Variants in KPNA7 observed in about 807,000 individuals in gnomAD.
KPNA7 encodes the protein karyopherin subunit alpha 7, also known as importin subunit alpha-8.
Under a neutral mutation model 53.7 loss-of-function variants are expected in KPNA7, and 54 were observed. The ratio of observed to expected loss-of-function variants is 1.01; its 90% CI spans 0.81 to 1.26. The LOEUF (loss-of-function observed/expected upper bound fraction) is 1.26, where lower values mean the gene tolerates loss of function less well. Ranked by LOEUF, KPNA7 falls within the 50% of genes most tolerant of loss-of-function variation. KPNA7 has a pLI of 0.00. For synonymous variants in KPNA7, 276 were observed against 259.3 expected (o/e 1.06, Z -0.62); for missense variants, 640 against 644.5 (o/e 0.99, Z 0.07).
chr7:99,181,469 T>G (rs890407532), intron 9 of KPNA7, among the ~76,000 whole-genome samples: 2 of 152,204 alleles, frequency 1.3e-5, no homozygotes, highest in Non-Finnish European at 2.9e-5. Flanking sequence ...CCATGGTCCT[T>G]CGAGATGGCT....
chr7:99,187,790 C>CTT (rs763348086), intron 7 of KPNA7, among the ~76,000 whole-genome samples: 2 of 4,554 alleles, frequency 4.4e-4, no homozygotes, highest in Non-Finnish European at 7.3e-4. Flanking sequence ...CGTGCCCGGC[C>CTT]TTTTTTTTTA....
At position 99,181,992 on chromosome 7, in the gene KPNA7, A is replaced by G. The variant is rs1789273211; in HGVS notation, c.1208T>C (p.Leu403Pro). 1.3e-6 allele frequency: 2 copies of G among 1,551,134 alleles called. No individual in the cohort carries two copies. The highest frequency in any genetic ancestry group is 8.7e-7 in the Non-Finnish European group (1 of 1,146,532). The part of the protein sequence containing the change: ...NFATGATMDQ[L>P]IQLVHSGVLE... ...GACCCCAGAGTGGACGAGCTGGATC[A>G]GCTGATCCATGGTGGCCCCTGTTGC... The change falls in exon 9 of 11, where the codon CTG becomes CCG. Residue 403 changes from leucine (L) to proline (P), a missense_variant. Coordinates refer to ENST00000327442, the MANE Select transcript of KPNA7 (RefSeq NM_001145715.3).
At chr7:99,160,017 G>GTTTTTTTTTTT in the KPNA7 span, among the ~76,000 whole-genome samples, 94 of 67,586 alleles carry the variant, frequency 1.4e-3, 2 homozygotes, top group East Asian at 4.8e-3. Context: ...TGTTGTTTTT[G>GTTTTTTTTTTT]TTTTTTTTTT....
the KPNA7 span, among the ~76,000 whole-genome samples, chr7:99,150,652 G>A: frequency 5.9e-4 from 90 of 152,010 alleles, no homozygotes; most frequent in Admixed American, 9.2e-4. Flanking sequence ...CTGACCTCAA[G>A]TGATCCGCCA....
At chr7:99,174,871 C>A (rs115234918) in intron 10 of KPNA7, among the ~76,000 whole-genome samples, 3,481 of 151,088 alleles carry the variant, frequency 0.023, 134 homozygotes, top group African/African-American at 0.081. Flanking sequence ...AGTACAGTGG[C>A]ATGATTGCAG....
Position 99,184,751 on chromosome 7 carries a change from G to A in KPNA7, c.1134+178C>T, listed in dbSNP as rs114868477. On this transcript the variant is annotated intron_variant, in intron 8 of 10. Coordinates refer to ENST00000327442, the MANE Select transcript of KPNA7 (RefSeq NM_001145715.3). ...TGTTCCGTCTTCCAAATCTTTAATG[G>A]GTTCTTCAGAATGGAACGCCCCCTT... Among the ~76,000 whole-genome samples, 1,119 of 152,118 alleles carry A rather than the reference G, an allele frequency of 7.4e-3. 14 individuals are homozygous for A. The highest frequency in any genetic ancestry group is 0.026 in the African/African-American group (1,066 of 41,504).
chr7:99,209,682 C>CAAAAAAAAAA (rs60377276), upstream of KPNA7, among the ~76,000 whole-genome samples: 14 of 73,532 alleles, frequency 1.9e-4, 1 homozygote, highest in African/African-American at 5.7e-4. Flanking sequence ...GACTCCAACT[C>CAAAAAAAAAA]AAAAAAAAAA....
At chr7:99,209,609 G>C (rs995073726), upstream of KPNA7, among the ~76,000 whole-genome samples, 3 of 139,418 alleles carry the variant, frequency 2.2e-5, no homozygotes, top group Non-Finnish European at 4.5e-5. Context: ...CTTGAACCCA[G>C]GGGGCGGAGG....
At chr7:99,167,893 G>T in the KPNA7 span, among the ~76,000 whole-genome samples, 1 of 152,006 alleles carries the variant, frequency 6.6e-6, no homozygotes, top group African/African-American at 2.4e-5. Flanking sequence ...CTACATGATG[G>T]TGAGTTATAG....
chr7:99,187,695 A>G (rs1000780607), intron 7 of KPNA7, among the ~76,000 whole-genome samples: 4 of 150,718 alleles, frequency 2.7e-5, no homozygotes, highest in African/African-American at 9.7e-5. Context: ...CTGGAATTAC[A>G]GCTGTGCGCC....
At chr7:99,204,858 A>G (rs779098067) in intron 2 of KPNA7, among the ~76,000 whole-genome samples, 45 of 152,176 alleles carry the variant, frequency 3.0e-4, no homozygotes, top group Non-Finnish European at 6.2e-4. Context: ...CGTGTATCAA[A>G]TAATAATAAA....
rs545616152 is a variant in KPNA7 at position 99,193,828 on chromosome 7, C to T, written c.554-727G>A. ...GAGTAGCTGGGACTATAGGCATACA[C>T]CACTATGCCTGGTGAATATTTTTAT... On this transcript the variant is annotated intron_variant, in intron 5 of 10. Transcript: ENST00000327442. Among the ~76,000 whole-genome samples the T allele has an allele frequency of 3.9e-5, 6 of 152,138 alleles. No individual in the cohort carries two copies. In the South Asian group the frequency reaches 1.2e-3, roughly 32 times the overall value.
At chr7:99,176,309 A>C (rs939705725) in intron 10 of KPNA7, among the ~76,000 whole-genome samples, 1 of 104,836 alleles carries the variant, frequency 9.5e-6, no homozygotes, top group Non-Finnish European at 2.2e-5. Flanking sequence ...AAAAAAAAAA[A>C]AAAGAAAGAA....
At chr7:99,146,858 T>C in the KPNA7 span, among the ~76,000 whole-genome samples, 1 of 151,224 alleles carries the variant, frequency 6.6e-6, no homozygotes, top group Admixed American at 6.6e-5. Flanking sequence ...GGCAAAATCA[T>C]CTAACACAAA....
the KPNA7 span, among the ~76,000 whole-genome samples, chr7:99,160,932 T>C: frequency 6.6e-6 from 1 of 151,810 alleles, no homozygotes; most frequent in African/African-American, 2.4e-5. Context: ...AGTCACATGA[T>C]GTCAGCTCAC....
At chr7:99,155,514 T>G in the KPNA7 span, among the ~76,000 whole-genome samples, 2 of 152,142 alleles carry the variant, frequency 1.3e-5, no homozygotes, top group Non-Finnish European at 2.9e-5. Flanking sequence ...TTTTCTTGTT[T>G]CCTCATTGCC....
chr7:99,207,825 G>A lies in KPNA7; in HGVS notation c.-24+203C>T, dbSNP rs541062430. On this transcript the variant is annotated intron_variant, in intron 1 of 10. Transcript: ENST00000327442. ...TAATTTTTGTCTTTTTAGTAGAGAC[G>A]GGGTTTCACCACGTTGGCCAGGCTG... is the stretch of plus-strand genomic sequence containing the variant. Among the ~76,000 whole-genome samples the A allele has an allele frequency of 1.1e-4, 17 of 151,394 alleles. No individual in the cohort carries two copies. The East Asian group carries it at 2.7e-3, about 24-fold the overall frequency.
At chr7:99,210,635 A>G (rs567549266), upstream of KPNA7, among the ~76,000 whole-genome samples, 1 of 151,976 alleles carries the variant, frequency 6.6e-6, no homozygotes, top group African/African-American at 2.4e-5. Context: ...CCCAGGCTGG[A>G]GTGCAATAAA....
At position 99,182,630 on chromosome 7, in the gene KPNA7, G is replaced by A. The variant is rs146100087; in HGVS notation, c.1135-565C>T. ...GATTATAGGCATGAACCCCCTGCCC[G>A]GCTCCTGCCTCTAGTTCTTGATCAG... is the stretch of plus-strand genomic sequence containing the variant. On this transcript the variant is annotated intron_variant, in intron 8 of 10. Coordinates refer to ENST00000327442, the MANE Select transcript of KPNA7 (RefSeq NM_001145715.3). Among the ~76,000 whole-genome samples the A allele has an allele frequency of 2.7e-3, 408 of 152,200 alleles. 17 individuals carry two copies. The East Asian group carries it at 0.061, about 23-fold the overall frequency.
Sources: gnomAD v4.1 joint callset for allele counts (sites outside exome capture counted in the v4.1 genomes callset) on GRCh38, gnomAD v4.1.1 for gene constraint, MANE v1.5 for transcripts, NCBI Gene and HGNC (gene_info 2026-07-23, HGNC 2026-07-21) for gene names.